The following UBE2D3 variants were observed in gnomAD, a reference collection of about 807,000 sequenced individuals.
UBE2D3 encodes ubiquitin-conjugating enzyme E2 D3.
In UBE2D3, 2 loss-of-function variants were observed where a neutral mutation model predicts 22.8. That is an observed-to-expected ratio of 0.09 (90% CI 0.04 to 0.28). UBE2D3 has a LOEUF of 0.28. UBE2D3 is among the 10% of genes least tolerant of loss of function. The pLI, the probability that UBE2D3 is intolerant of heterozygous loss-of-function variation, is 1.00. For synonymous variants in UBE2D3, 56 were observed against 60.4 expected, an observed-to-expected ratio of 0.93 and a Z score of 0.34; for missense variants, 27 against 182.5, an observed-to-expected ratio of 0.15 and a Z score of 4.91.
At chr4:102,858,481 C>T (rs1732731257) in intron 1 of UBE2D3, among the ~76,000 whole-genome samples, 1 of 151,742 alleles carries the variant, frequency 6.6e-6, no homozygotes, top group Non-Finnish European at 1.5e-5. Flanking sequence ...TTTCCTTGCT[C>T]AGTTTTCACA....
intron 2 of UBE2D3, among the ~76,000 whole-genome samples, chr4:102,823,907 G>C (rs1264025839): frequency 6.6e-6 from 1 of 152,142 alleles, no homozygotes; most frequent in Non-Finnish European, 1.5e-5. Flanking sequence ...TGAAATGTGG[G>C]ACCTTCAGAC....
intron 1 of UBE2D3, among the ~76,000 whole-genome samples, chr4:102,856,651 G>C (rs1051491304): frequency 2.0e-5 from 3 of 152,132 alleles, no homozygotes; most frequent in Non-Finnish European, 4.4e-5. Flanking sequence ...CTCATCTACT[G>C]TCTCTCCTCC....
At chr4:102,868,625 G>A (rs2198199) in intron 1 of UBE2D3, 225,979 of 1,555,924 alleles carry the variant, frequency 0.15, 16,770 homozygotes, top group Admixed American at 0.18. Context: ...ATACTCATGG[G>A]CGAGTATGCA....
At chr4:102,868,670 G>C in intron 1 of UBE2D3, 2 of 1,613,826 alleles carry the variant, frequency 1.2e-6, no homozygotes, top group African/African-American at 1.3e-5. Context: ...TGTAGGGGAA[G>C]AGGCGGGGCG....
chr4:102,822,879 T>G (rs1034390143), intron 2 of UBE2D3, among the ~76,000 whole-genome samples: 3 of 149,912 alleles, frequency 2.0e-5, no homozygotes, highest in East Asian at 2.0e-4. Context: ...GAGCTTGCAG[T>G]GAGCTGAGAT....
At chr4:102,836,438 C>T (rs1274385980) in intron 1 of UBE2D3, among the ~76,000 whole-genome samples, 2 of 152,092 alleles carry the variant, frequency 1.3e-5, no homozygotes, top group South Asian at 2.1e-4. Flanking sequence ...TGAGGCACTC[C>T]GCCTAGCCTC....
chr4:102,795,407 A>G lies in UBE2D3; in HGVS notation c.*2008T>C, dbSNP rs2110234361. The stretch of plus-strand genomic sequence containing the variant: ...CAGAAGTAATTTTGAAAATAGAGCC[A>G]AAGAGCAGTTTTTCTTACCTTGTGG... On this transcript the variant is annotated 3_prime_UTR_variant, in exon 8 of 8. Transcript: ENST00000453744. The G allele has an allele frequency of 6.6e-6, 1 of 152,226 alleles. No individual in the cohort carries two copies. The allele number at this position is 152,226 out of a possible 1,614,324, so 9.4% of individuals were successfully genotyped here. A position where few individuals can be genotyped will look rare whatever the true frequency, so the allele number is the denominator to read the frequency against.
chr4:102,817,452 G>C (rs568647002), intron 2 of UBE2D3, among the ~76,000 whole-genome samples: 4 of 152,192 alleles, frequency 2.6e-5, no homozygotes, highest in Non-Finnish European at 5.9e-5. Context: ...AGAGGGGAAA[G>C]AAATGATTAC....
intron 1 of UBE2D3, among the ~76,000 whole-genome samples, chr4:102,853,528 CATAA>C (rs1437216515): frequency 6.6e-6 from 1 of 152,002 alleles, no homozygotes; most frequent in Non-Finnish European, 1.5e-5. Context: ...TATGGAGTTA[CATAA>C]ATAATTCTAA....
At chr4:102,826,797 G>A (rs1327298456) in intron 1 of UBE2D3, 161 bp from the exon 2 acceptor site, 7 of 1,256,082 alleles carry the variant, frequency 5.6e-6, no homozygotes, top group East Asian at 3.5e-5. Context: ...GGGGGCGAGG[G>A]TGACGGGAAG....
Position 102,809,758 on chromosome 4 carries a change from A to G in UBE2D3, c.88+34T>C. 2.5e-6 allele frequency: 4 copies of G among 1,613,386 alleles called. No homozygotes were observed. The Middle Eastern group carries it at 6.6e-4, about 266-fold the overall frequency. ...TAAAAATGCACAAGCTTAAAAAAAA[A>G]TTAGGCATAAAAATCAACTTGCAAG... is the stretch of plus-strand genomic sequence containing the variant. On this transcript the variant is annotated intron_variant, in intron 3 of 7. Transcript: ENST00000453744.
chr4:102,803,432 C>G (rs1726517345), intron 4 of UBE2D3, among the ~76,000 whole-genome samples: 1 of 152,174 alleles, frequency 6.6e-6, no homozygotes, highest in Admixed American at 6.5e-5. Flanking sequence ...TTTGTATATA[C>G]AGCTATATAT....
At chr4:102,846,917 T>G (rs1732065626) in intron 1 of UBE2D3, among the ~76,000 whole-genome samples, 1 of 152,094 alleles carries the variant, frequency 6.6e-6, no homozygotes, top group Non-Finnish European at 1.5e-5. Context: ...GGGCTGGGAT[T>G]ACAGGCATGA....
At chr4:102,811,841 A>T (rs1426146717) in intron 2 of UBE2D3, 1 of 413,386 alleles carries the variant, frequency 2.4e-6, no homozygotes, top group African/African-American at 2.1e-5. Context: ...ACATAGTGAG[A>T]CCCCATTCTC....
At position 102,824,189 on chromosome 4, in the gene UBE2D3, A is replaced by C. The variant is rs1398599556; in HGVS notation, c.24+2296T>G. ...TAAACACTGGTTTTTCCAATATGCC[A>C]AGTTTTTATGTTGTGTCTATATTAC... On this transcript the variant is annotated intron_variant, in intron 2 of 7. Coordinates refer to ENST00000453744, the MANE Select transcript of UBE2D3 (RefSeq NM_181891.3). Among the ~76,000 whole-genome samples, 3 of 152,246 alleles carry C rather than the reference A, an allele frequency of 2.0e-5. No individual in the cohort carries two copies. The East Asian group carries it at 5.8e-4, about 29-fold the overall frequency.
At chr4:102,844,511 C>T (rs1269652896) in intron 1 of UBE2D3, among the ~76,000 whole-genome samples, 1 of 152,070 alleles carries the variant, frequency 6.6e-6, no homozygotes, top group African/African-American at 2.4e-5. Flanking sequence ...ATCAGGAAAC[C>T]AAAATAAAGA....
chr4:102,860,404 GGTGTGTGTGTGTGTGTGTAT>G (rs1310130710), intron 1 of UBE2D3, among the ~76,000 whole-genome samples: 4 of 122,840 alleles, frequency 3.3e-5, no homozygotes, highest in African/African-American at 1.3e-4. Context: ...ATGTTTTCCT[GGTGTGTGTGTGTGTGTGTAT>G]GTGTGTGTGT....
intron 4 of UBE2D3, among the ~76,000 whole-genome samples, chr4:102,805,129 C>T (rs76147973): frequency 0.011 from 1,728 of 152,156 alleles, 19 homozygotes; most frequent in Non-Finnish European, 0.018. Flanking sequence ...AATTTCGTTT[C>T]GTTTGTTCGA....
At chr4:102,825,424 AGCAGT>A in intron 2 of UBE2D3, 14 of 1,099,800 alleles carry the variant, frequency 1.3e-5, no homozygotes, top group Non-Finnish European at 1.6e-5. Flanking sequence ...AGGATCTTAG[AGCAGT>A]GCACAACGCG....
Sources: gnomAD v4.1 joint callset for allele counts (sites outside exome capture counted in the v4.1 genomes callset) on GRCh38, gnomAD v4.1.1 for gene constraint, MANE v1.5 for transcripts, NCBI Gene and HGNC (gene_info 2026-07-23, HGNC 2026-07-21) for gene names.